The following PDZK1 variants were observed in gnomAD, a reference collection of about 807,000 sequenced individuals.
PDZK1 encodes PDZ domain containing 1, also known as Na(+)/H(+) exchange regulatory cofactor NHE-RF3.
A neutral mutation model predicts 38.1 loss-of-function variants in PDZK1; 23 were observed. That is an observed-to-expected ratio of 0.60 (90% CI 0.43 to 0.85). The LOEUF is 0.85. Ranked by LOEUF, PDZK1 falls within the 40% of genes least tolerant of loss-of-function variation. The pLI, the probability that PDZK1 is intolerant of heterozygous loss-of-function variation, is 0.00. For missense variants in PDZK1, 297 were observed against 504.3 expected (o/e 0.59, Z 3.94); for synonymous variants, 98 against 186.2 (o/e 0.53, Z 3.86).
chr1:145,693,961 C>T (rs969179460), intron 1 of PDZK1, among the ~76,000 whole-genome samples: 3 of 152,136 alleles, frequency 2.0e-5, no homozygotes, highest in African/African-American at 4.8e-5. Flanking sequence ...CCCTTGGTCA[C>T]ACCGTGCAGT....
chr1:145,706,000 C>T (rs948259224), intron 1 of PDZK1, among the ~76,000 whole-genome samples: 10 of 152,258 alleles, frequency 6.6e-5, no homozygotes, highest in South Asian at 2.1e-4. Flanking sequence ...GTGATCCTCC[C>T]GCTTGGGCAT....
intron 1 of PDZK1, among the ~76,000 whole-genome samples, chr1:145,688,246 A>AT (rs1654966278): frequency 6.6e-6 from 1 of 151,916 alleles, no homozygotes; most frequent in African/African-American, 2.4e-5. Flanking sequence ...AGACCCACGT[A>AT]TTTTTTACTG....
intron 1 of PDZK1, among the ~76,000 whole-genome samples, chr1:145,700,354 C>T (rs1232621894): frequency 1.3e-5 from 2 of 152,292 alleles, no homozygotes; most frequent in African/African-American, 4.8e-5. Flanking sequence ...GGAGCTTTAA[C>T]AGAATTTCAA....
intron 1 of PDZK1, among the ~76,000 whole-genome samples, chr1:145,695,545 G>A (rs1202305364): frequency 2.6e-5 from 4 of 152,262 alleles, no homozygotes; most frequent in African/African-American, 9.6e-5. Context: ...ACAGCCAACA[G>A]AAGGGAAATC....
At chr1:145,701,353 G>T (rs1461526885) in intron 1 of PDZK1, among the ~76,000 whole-genome samples, 1 of 151,078 alleles carries the variant, frequency 6.6e-6, no homozygotes, top group Non-Finnish European at 1.5e-5. Context: ...GAAAAGAAAG[G>T]GCAGGGTCTC....
intron 3 of PDZK1, 92 bp downstream of exon 3, chr1:145,686,385 A>G: frequency 2.0e-6 from 3 of 1,523,412 alleles, no homozygotes; most frequent in Non-Finnish European, 2.7e-6. Context: ...TCAGTCAAAG[A>G]AGAAAAGTCA....
Position 145,676,263 on chromosome 1 carries a change from C to T in PDZK1, c.990+2186G>A, listed in dbSNP as rs1188938247. On this transcript the variant is annotated intron_variant, in intron 6 of 8. Transcript: ENST00000417171. ...CAATTAAATCATTCTATGATAAGAT[C>T]AGGAGGGGTCAGAATCCCCTTTACA... 14 of 551,676 alleles carry T rather than the reference C, an allele frequency of 2.5e-5. No homozygotes were observed. The African/African-American group carries it at 2.9e-4, about 11-fold the overall frequency. The allele number at this position is 551,676 out of a possible 1,614,324, so 34.2% of individuals were successfully genotyped here.
In PDZK1 at chr1:145,672,743, A is replaced by G. The variant is rs587674216; in HGVS notation, c.1493T>C (p.Met498Thr). 4 of 1,611,944 alleles carry G rather than the reference A, an allele frequency of 2.5e-6. No individual in the cohort carries two copies. Among genetic ancestry groups the G allele is most frequent in the East Asian group, 4.5e-5 (2 of 44,886 alleles). ...IVVESNHDSHMAKERAHSTAS... is the reference protein window; with the variant it reads ...IVVESNHDSHTAKERAHSTAS... ...GCCCCCACTCACCCGTTCTTTTGCC[A>G]TGTGCGAGTCATGGTTTGACTCCAC... The change falls in exon 8 of 9, where the codon ATG (methionine) becomes ACG (threonine). Residue 498 changes from methionine (M) to threonine (T), a missense_variant. Coordinates refer to ENST00000417171, the MANE Select transcript of PDZK1 (RefSeq NM_001201325.2).
In PDZK1 at chr1:145,682,561, T is replaced by G; in HGVS notation, c.536A>C (p.His179Pro). ...AMRAGVLADD[H>P]LIEVNGENVE... ...ATTCTCTCCATTCACTTCAATCAAG[T>G]GATCATCAGCCAGAACTCCAGCTCT... The change falls in exon 4 of 9, where the codon CAC (histidine) becomes CCC (proline). Residue 179 changes from histidine to proline, a missense_variant. By Grantham distance (77) the His-to-Pro change is moderately conservative. Coordinates refer to ENST00000417171, the MANE Select transcript of PDZK1 (RefSeq NM_001201325.2). 1.2e-6 allele frequency: 2 copies of G among 1,611,064 alleles called. No individual in the cohort carries two copies. Among genetic ancestry groups the G allele is most frequent in the Non-Finnish European group, 1.7e-6 (2 of 1,179,476 alleles).
In PDZK1 at chr1:145,679,351, A is replaced by G. The variant is rs587760412; in HGVS notation, c.794-706T>C. 1.5e-4 allele frequency among the ~76,000 whole-genome samples: 23 copies of G among 152,040 alleles called. No individual in the cohort carries two copies. In the South Asian group the frequency reaches 4.8e-3, roughly 32 times the overall value. ...TTAGTGGAGCAACATCATCCCAGTCACCAACACTTGGCAACTGATTCTTCC... is the reference window on the plus strand; with the variant it reads ...TTAGTGGAGCAACATCATCCCAGTCGCCAACACTTGGCAACTGATTCTTCC... On this transcript the variant is annotated intron_variant, in intron 5 of 8. Transcript: ENST00000417171.
At chr1:145,689,187 G>A (rs139893725) in intron 1 of PDZK1, among the ~76,000 whole-genome samples, 51 of 152,244 alleles carry the variant, frequency 3.3e-4, no homozygotes, top group African/African-American at 8.7e-4. Flanking sequence ...GGGCTTAGGC[G>A]ATCCTCCCAC....
intron 5 of PDZK1, among the ~76,000 whole-genome samples, chr1:145,680,113 C>T (rs1420252139): frequency 6.6e-6 from 1 of 152,134 alleles, no homozygotes; most frequent in African/African-American, 2.4e-5. Context: ...TATCACAGTG[C>T]TTGATCTGCC....
At chr1:145,702,984 A>T (rs587755972) in intron 1 of PDZK1, among the ~76,000 whole-genome samples, 2 of 152,052 alleles carry the variant, frequency 1.3e-5, no homozygotes, top group African/African-American at 4.8e-5. Context: ...GCAAGCCCCA[A>T]TTGGTCTATG....
At chr1:145,699,289 G>T (rs183617524) in intron 1 of PDZK1, among the ~76,000 whole-genome samples, 6 of 152,086 alleles carry the variant, frequency 3.9e-5, no homozygotes, top group African/African-American at 1.4e-4. Flanking sequence ...GTGGTTGTGC[G>T]TGCCTGTAAT....
chr1:145,681,383 C>T (rs1359995859), intron 4 of PDZK1, among the ~76,000 whole-genome samples: 5 of 148,288 alleles, frequency 3.4e-5, no homozygotes, highest in Admixed American at 1.3e-4. Context: ...CCCGGGTTCA[C>T]GCCATTCTCC....
At chr1:145,683,990 G>A (rs1553701028) in intron 3 of PDZK1, among the ~76,000 whole-genome samples, 1 of 151,762 alleles carries the variant, frequency 6.6e-6, no homozygotes, top group Non-Finnish European at 1.5e-5. Flanking sequence ...GGGACTACAG[G>A]CGCCTGCCAC....
intron 5 of PDZK1, among the ~76,000 whole-genome samples, chr1:145,679,902 A>G (rs1553699983): frequency 6.6e-6 from 1 of 152,178 alleles, no homozygotes; most frequent in African/African-American, 2.4e-5. Flanking sequence ...CTTGTACTAC[A>G]CATCATGTGC....
At chr1:145,685,731 C>T (rs1398973309) in intron 3 of PDZK1, among the ~76,000 whole-genome samples, 1 of 152,214 alleles carries the variant, frequency 6.6e-6, no homozygotes, top group African/African-American at 2.4e-5. Flanking sequence ...AATTGACCAG[C>T]TAACACAGCT....
chr1:145,707,014 G>A (rs1656280773), intron 1 of PDZK1, among the ~76,000 whole-genome samples: 1 of 152,014 alleles, frequency 6.6e-6, no homozygotes, highest in Non-Finnish European at 1.5e-5. Context: ...CCCTTTGGCT[G>A]CACATCAAAC....
Sources: gnomAD v4.1 joint callset for allele counts (sites outside exome capture counted in the v4.1 genomes callset) on GRCh38, gnomAD v4.1.1 for gene constraint, MANE v1.5 for transcripts, NCBI Gene and HGNC (gene_info 2026-07-23, HGNC 2026-07-21) for gene names.